The following UNC5D variants were observed in gnomAD, a reference collection of about 807,000 sequenced individuals.
UNC5D encodes the protein unc-5 netrin receptor D, also known as netrin receptor UNC5D.
In UNC5D, 39 loss-of-function variants were observed where a neutral mutation model predicts 105.4. The ratio of observed to expected loss-of-function variants is 0.37; its 90% CI spans 0.29 to 0.48. The LOEUF (loss-of-function observed/expected upper bound fraction) is 0.48. Ranked by LOEUF, UNC5D falls within the 20% of genes least tolerant of loss-of-function variation. The pLI, the probability that UNC5D is intolerant of heterozygous loss-of-function variation, is 0.98. For missense variants in UNC5D, 991 were observed against 1,202.4 expected (o/e 0.82, Z 2.60); for synonymous variants, 452 against 450.4 (o/e 1.00, Z -0.04).
intron 1 of UNC5D, among the ~76,000 whole-genome samples, chr8:35,268,948 C>T (rs1805083675): frequency 6.6e-6 from 1 of 152,116 alleles, no homozygotes; most frequent in African/African-American, 2.4e-5. Flanking sequence ...CAAAGTTTGG[C>T]TATCACTAAC....
At chr8:35,310,335 T>A (rs767959670) in intron 1 of UNC5D, among the ~76,000 whole-genome samples, 113 of 152,146 alleles carry the variant, frequency 7.4e-4, no homozygotes, top group Admixed American at 1.8e-3. Flanking sequence ...TTACAAGTAA[T>A]TTAGGCTGGG....
At chr8:35,512,480 A>C (rs1361360570) in intron 1 of UNC5D, among the ~76,000 whole-genome samples, 1 of 108,454 alleles carries the variant, frequency 9.2e-6, no homozygotes, top group African/African-American at 4.1e-5. Context: ...ATATATATAT[A>C]TATATATATA....
At chr8:35,290,467 G>C (rs1229642128) in intron 1 of UNC5D, among the ~76,000 whole-genome samples, 1 of 151,912 alleles carries the variant, frequency 6.6e-6, no homozygotes, top group African/African-American at 2.4e-5. Flanking sequence ...GTTACCAGAG[G>C]CTGGGGTAAG....
intron 8 of UNC5D, among the ~76,000 whole-genome samples, chr8:35,718,838 A>T (rs1377323108): frequency 6.6e-6 from 1 of 152,044 alleles, no homozygotes; most frequent in East Asian, 1.9e-4. Flanking sequence ...GTCGGGGGGT[A>T]TATGTTACAC....
chr8:35,396,209 ACT>A (rs1414450586), intron 1 of UNC5D, among the ~76,000 whole-genome samples: 1 of 151,832 alleles, frequency 6.6e-6, no homozygotes, highest in African/African-American at 2.4e-5. Context: ...CCCCGTAACT[ACT>A]CTCAGGGTTG....
intron 1 of UNC5D, among the ~76,000 whole-genome samples, chr8:35,355,664 C>A (rs998499970): frequency 7.2e-5 from 11 of 152,208 alleles, no homozygotes; most frequent in Non-Finnish European, 1.6e-4. Context: ...CCCTGAAAAT[C>A]ATATGTTGAA....
chr8:35,400,731 C>T (rs1291403852), intron 1 of UNC5D, among the ~76,000 whole-genome samples: 3 of 152,156 alleles, frequency 2.0e-5, no homozygotes, highest in Non-Finnish European at 4.4e-5. Context: ...GTCCTCATCT[C>T]CCACCACATT....
intron 1 of UNC5D, among the ~76,000 whole-genome samples, chr8:35,359,117 C>G (rs1238874026): frequency 2.6e-5 from 4 of 152,194 alleles, no homozygotes; most frequent in Non-Finnish European, 4.4e-5. Flanking sequence ...CACCACTGCA[C>G]TCTGTCTGGA....
rs1423859938 is a variant in UNC5D, at chr8:35,766,981, C to T, written c.2393C>T (p.Thr798Ile). The change falls in exon 15 of 17, where the codon ACT (threonine) becomes ATT (isoleucine). Residue 798 changes from threonine to isoleucine, a missense_variant. Physicochemically the swap from Thr to Ile is moderately conservative, Grantham distance 89. This residue lies in a region of UNC5D where 944 missense variants were observed against 1,131.6 expected (regional missense o/e 0.83). Transcript: ENST00000404895. ...TTCTCCCTGGAGCGTTATACGCCCACTACCACCCAGCTGTCCTGCAAAATC... is the reference window on the plus strand; with the variant it reads ...TTCTCCCTGGAGCGTTATACGCCCATTACCACCCAGCTGTCCTGCAAAATC... ...CAFSLERYTPTTTQLSCKICI... is the reference protein window; with the variant it reads ...CAFSLERYTPITTQLSCKICI... 6.2e-7 allele frequency: 1 copy of T among 1,614,096 alleles called. No homozygotes were observed. The highest frequency in any genetic ancestry group is 8.5e-7 in the Non-Finnish European group (1 of 1,179,980).
intron 12 of UNC5D, among the ~76,000 whole-genome samples, chr8:35,750,371 A>G (rs1830214499): frequency 1.3e-5 from 2 of 149,018 alleles, no homozygotes; most frequent in African/African-American, 4.9e-5. Context: ...GATTACAGGC[A>G]TGAGCCACCA....
At chr8:35,248,892 A>AT (rs1563248390) in intron 1 of UNC5D, among the ~76,000 whole-genome samples, 1 of 90,696 alleles carries the variant, frequency 1.1e-5, no homozygotes, top group African/African-American at 5.1e-5. Context: ...TATATTATAT[A>AT]AATATATAAT....
intron 1 of UNC5D, among the ~76,000 whole-genome samples, chr8:35,284,974 T>A (rs1216084087): frequency 6.6e-6 from 1 of 152,198 alleles, no homozygotes; most frequent in East Asian, 1.9e-4. Context: ...TTTTTCCTAT[T>A]TGATACCTTT....
At chr8:35,478,506 TCTTA>T (rs1262333111) in intron 1 of UNC5D, among the ~76,000 whole-genome samples, 2 of 152,314 alleles carry the variant, frequency 1.3e-5, no homozygotes, top group South Asian at 2.1e-4. Context: ...TCACTAGGAC[TCTTA>T]CTTCAAAATG....
intron 1 of UNC5D, among the ~76,000 whole-genome samples, chr8:35,468,434 T>C (rs1336406843): frequency 6.6e-6 from 1 of 152,178 alleles, no homozygotes; most frequent in Admixed American, 6.5e-5. Context: ...GAGAAATTAG[T>C]TGTCAAATGT....
At chr8:35,292,600 G>A (rs958877558) in intron 1 of UNC5D, among the ~76,000 whole-genome samples, 9 of 152,094 alleles carry the variant, frequency 5.9e-5, no homozygotes, top group South Asian at 2.1e-4. Flanking sequence ...TATGAATCCC[G>A]TGAAACTTAA....
intron 9 of UNC5D, among the ~76,000 whole-genome samples, chr8:35,723,431 T>C (rs959302092): frequency 2.6e-5 from 4 of 152,166 alleles, no homozygotes; most frequent in African/African-American, 4.8e-5. Flanking sequence ...GAACTGATTT[T>C]TTAAGTGGTG....
At chr8:35,630,483 T>C (rs1432768335) in intron 4 of UNC5D, among the ~76,000 whole-genome samples, 2 of 152,216 alleles carry the variant, frequency 1.3e-5, no homozygotes, top group Non-Finnish European at 2.9e-5. Context: ...CTAAGGCTGG[T>C]TGGCAACTCA....
intron 1 of UNC5D, among the ~76,000 whole-genome samples, chr8:35,420,994 A>T (rs774170946): frequency 1.3e-5 from 2 of 152,158 alleles, no homozygotes; most frequent in African/African-American, 4.8e-5. Flanking sequence ...GACTGATCCC[A>T]GGCTAAATGG....
rs542271257 is a variant in UNC5D at position 35,444,752 on chromosome 8, T to G, written c.104-104540T>G. Among the ~76,000 whole-genome samples the G allele has an allele frequency of 2.0e-5, 3 of 152,134 alleles. No individual in the cohort carries two copies. The South Asian group carries it at 6.2e-4, about 32-fold the overall frequency. ...ACTCCTAGGTTTCTATTATTTCAACTACACTTATGCTTCCTCTGAAAACTA... is the reference window on the plus strand; with the variant it reads ...ACTCCTAGGTTTCTATTATTTCAACGACACTTATGCTTCCTCTGAAAACTA... On this transcript the variant is annotated intron_variant, in intron 1 of 16. Transcript: ENST00000404895.
Sources: gnomAD v4.1 joint callset for allele counts (sites outside exome capture counted in the v4.1 genomes callset) on GRCh38, gnomAD v4.1.1 for gene constraint, gnomAD v4.1.1 regional missense constraint, MANE v1.5 for transcripts, NCBI Gene and HGNC (gene_info 2026-07-23, HGNC 2026-07-21) for gene names.